PTPRD: variants seen among roughly 807,000 people sequenced by gnomAD.
PTPRD encodes the protein receptor-type tyrosine-protein phosphatase delta.
A neutral mutation model predicts 214.5 loss-of-function variants in PTPRD; 34 were observed. The ratio of observed to expected loss-of-function variants is 0.16; its 90% CI spans 0.12 to 0.21. The LOEUF (loss-of-function observed/expected upper bound fraction) is 0.21. Among genes scored for constraint, PTPRD ranks in the 10% least tolerant of loss-of-function variants. The pLI, the probability that PTPRD is intolerant of heterozygous loss-of-function variation, is 1.00. For missense variants in PTPRD, 2,545 were observed against 2,398.7 expected (o/e 1.06, Z -1.27); for synonymous variants, 1,128 against 845.7 (o/e 1.33, Z -5.79).
At chr9:9,964,204 T>A (rs534995425) in intron 4 of PTPRD, among the ~76,000 whole-genome samples, 23 of 152,250 alleles carry the variant, frequency 1.5e-4, no homozygotes, top group African/African-American at 5.5e-4. Context: ...AAAAGAATCA[T>A]CAAGTCAATA....
intron 7 of PTPRD, among the ~76,000 whole-genome samples, chr9:9,613,900 A>G (rs951747912): frequency 2.6e-5 from 4 of 152,178 alleles, no homozygotes; most frequent in African/African-American, 4.8e-5. Flanking sequence ...CCTAAAATCA[A>G]TGGGAGTTTT....
chr9:10,085,728 T>C (rs1567586422), intron 3 of PTPRD, among the ~76,000 whole-genome samples: 1 of 151,760 alleles, frequency 6.6e-6, no homozygotes, highest in Non-Finnish European at 1.5e-5. Context: ...CAAAGATGGC[T>C]ATTTGCTTAG....
chr9:10,291,172 G>A (rs1374105165), intron 3 of PTPRD, among the ~76,000 whole-genome samples: 2 of 151,902 alleles, frequency 1.3e-5, no homozygotes, highest in African/African-American at 2.4e-5. Context: ...ACAGACAGAT[G>A]GGGCCTTTTC....
chr9:8,642,195 A>G (rs2096591648), intron 12 of PTPRD, among the ~76,000 whole-genome samples: 1 of 152,238 alleles, frequency 6.6e-6, no homozygotes, highest in East Asian at 1.9e-4. Flanking sequence ...ATCACATGCT[A>G]CAAAAGTGAA....
intron 7 of PTPRD, among the ~76,000 whole-genome samples, chr9:9,663,414 A>C (rs1414881297): frequency 1.3e-5 from 2 of 151,576 alleles, no homozygotes; most frequent in Non-Finnish European, 3.0e-5. Flanking sequence ...AAGTGACTAC[A>C]GTATCTTCAT....
intron 11 of PTPRD, among the ~76,000 whole-genome samples, chr9:8,867,895 C>T (rs1030498815): frequency 6.6e-6 from 1 of 152,070 alleles, no homozygotes; most frequent in South Asian, 2.1e-4. Context: ...TAATAGAACC[C>T]TGTATAATTG....
intron 9 of PTPRD, among the ~76,000 whole-genome samples, chr9:9,202,967 G>C (rs907402628): frequency 6.6e-6 from 1 of 152,076 alleles, no homozygotes; most frequent in African/African-American, 2.4e-5. Flanking sequence ...CATCACCTTT[G>C]TTATCCCCAT....
At chr9:8,434,234 G>C (rs948031081) in intron 35 of PTPRD, among the ~76,000 whole-genome samples, 5 of 152,084 alleles carry the variant, frequency 3.3e-5, no homozygotes, top group Admixed American at 1.3e-4. Flanking sequence ...CACCTGCTTT[G>C]GCCTCCAAAA....
intron 3 of PTPRD, among the ~76,000 whole-genome samples, chr9:10,326,772 A>C (rs1352202778): frequency 6.6e-6 from 1 of 151,548 alleles, no homozygotes; most frequent in Non-Finnish European, 1.5e-5. Context: ...AATATTTCTA[A>C]ATAGAAAAAG....
At chr9:9,333,557 T>G (rs575648161) in intron 9 of PTPRD, among the ~76,000 whole-genome samples, 52 of 145,666 alleles carry the variant, frequency 3.6e-4, no homozygotes, top group Non-Finnish European at 6.1e-4. Context: ...AGTGGCCACA[T>G]GATGAAAGGT....
At chr9:9,228,681 T>C (rs1167685189) in intron 9 of PTPRD, among the ~76,000 whole-genome samples, 4 of 152,156 alleles carry the variant, frequency 2.6e-5, no homozygotes, top group Non-Finnish European at 4.4e-5. Flanking sequence ...ATGAATGAAA[T>C]CTTACAATGT....
intron 10 of PTPRD, among the ~76,000 whole-genome samples, chr9:9,147,138 T>C (rs1187254835): frequency 1.3e-5 from 2 of 152,120 alleles, no homozygotes; most frequent in Non-Finnish European, 2.9e-5. Flanking sequence ...GATTTGATCA[T>C]ATAAATTTCA....
At chr9:9,889,118 G>T (rs1178537652) in intron 5 of PTPRD, among the ~76,000 whole-genome samples, 1 of 152,104 alleles carries the variant, frequency 6.6e-6, no homozygotes, top group Non-Finnish European at 1.5e-5. Context: ...TGCTGGGATG[G>T]TTGGGGGTGG....
At chr9:8,829,184 G>A (rs1160856585) in intron 11 of PTPRD, among the ~76,000 whole-genome samples, 2 of 152,116 alleles carry the variant, frequency 1.3e-5, no homozygotes, top group Non-Finnish European at 2.9e-5. Flanking sequence ...TTTAACAAAT[G>A]TTATGTCTAC....
At chr9:9,721,460 T>A (rs1306216435) in intron 7 of PTPRD, among the ~76,000 whole-genome samples, 2 of 152,176 alleles carry the variant, frequency 1.3e-5, no homozygotes, top group Admixed American at 6.6e-5. Context: ...TATGTGCCTC[T>A]ATTCTATAGG....
At chr9:9,775,125 AT>A in intron 5 of PTPRD, among the ~76,000 whole-genome samples, 1 of 152,202 alleles carries the variant, frequency 6.6e-6, no homozygotes, top group Admixed American at 6.5e-5. Context: ...TGTAACAGGC[AT>A]TTACGTATCT....
At chr9:8,957,437 C>G (rs2154314191) in intron 11 of PTPRD, among the ~76,000 whole-genome samples, 1 of 151,824 alleles carries the variant, frequency 6.6e-6, no homozygotes, top group East Asian at 1.9e-4. Flanking sequence ...AGCCTACTTT[C>G]TTTAATTTTT....
intron 7 of PTPRD, among the ~76,000 whole-genome samples, chr9:9,652,003 T>A (rs927157931): frequency 6.6e-6 from 1 of 151,248 alleles, no homozygotes; most frequent in African/African-American, 2.4e-5. Flanking sequence ...CCTGGCTAAT[T>A]TTTGTTTTTT....
At chr9:8,488,250 C>T (rs1034359943) in intron 27 of PTPRD, among the ~76,000 whole-genome samples, 2 of 152,290 alleles carry the variant, frequency 1.3e-5, no homozygotes, top group East Asian at 1.9e-4. Flanking sequence ...ATGTGCTCTG[C>T]TCTAAGAAAT....
Sources: gnomAD v4.1 joint callset for allele counts (sites outside exome capture counted in the v4.1 genomes callset) on GRCh38, gnomAD v4.1.1 for gene constraint, MANE v1.5 for transcripts, NCBI Gene and HGNC (gene_info 2026-07-23, HGNC 2026-07-21) for gene names.